Variants in LMAN2 observed in about 807,000 individuals in gnomAD.
LMAN2 encodes lectin, mannose binding 2.
A neutral mutation model predicts 39.3 loss-of-function variants in LMAN2; 22 were observed. That is an observed-to-expected ratio of 0.56 (90% CI 0.40 to 0.80). The LOEUF is 0.80. LMAN2 is among the 30% of genes least tolerant of loss of function. LMAN2 has a pLI of 0.00. For missense variants in LMAN2, 494 were observed against 505.4 expected (o/e 0.98, Z 0.22); for synonymous variants, 207 against 207.8 (o/e 1.00, Z 0.03).
At chr5:177,335,432 T>A (rs1416663759) in intron 6 of LMAN2, among the ~76,000 whole-genome samples, 1 of 152,224 alleles carries the variant, frequency 6.6e-6, no homozygotes, top group Non-Finnish European at 1.5e-5. Flanking sequence ...TGATGACCCC[T>A]GACCAGTGGT....
Position 177,332,149 on chromosome 5 carries a change from G to A in LMAN2, c.1008C>T (p.Val336=). The change falls in exon 8 of 8, where the codon GTC becomes GTT. Residue 336 remains valine (V), a synonymous_variant. Transcript: ENST00000303127. The surrounding 1 kb of genome is among the most constrained non-coding windows in gnomAD (Gnocchi z 6.3). ...LLLCALLGIV[V]CAVVGAVVFQ... is the part of the protein sequence containing the mutation. Reference sequence around the variant, plus strand: ...ACACCACGGCCCCCACCACGGCGCAGACAACGATGCCCAGGAGAGCGCACA... The same window carrying A: ...ACACCACGGCCCCCACCACGGCGCAAACAACGATGCCCAGGAGAGCGCACA... The A allele has an allele frequency of 6.2e-7, 1 of 1,613,676 alleles. No homozygotes were observed. Among genetic ancestry groups the A allele is most frequent in the Non-Finnish European group, 8.5e-7 (1 of 1,179,960 alleles).
Position 177,338,540 on chromosome 5 carries a change from GTTC to G in LMAN2, c.378_380del (p.Lys126del), listed in dbSNP as rs756317309. ...ACAAGGCGATGCCGTCTCCATGGAG[GTTC>G]TTCTTCCCTGTGCCGTGGACTTTGA... On this transcript the variant is annotated inframe_deletion, in exon 3 of 8. Coordinates refer to ENST00000303127, the MANE Select transcript of LMAN2 (RefSeq NM_006816.3). 1 of 1,614,250 alleles carries G rather than the reference GTTC, an allele frequency of 6.2e-7. No individual in the cohort carries two copies. Among genetic ancestry groups the G allele is most frequent in the South Asian group, 1.1e-5 (1 of 91,090 alleles).
intron 3 of LMAN2, 46 bp downstream of exon 3, chr5:177,338,442 C>A (rs769633514): frequency 7.3e-6 from 11 of 1,515,438 alleles, no homozygotes; most frequent in Admixed American, 1.7e-5. Context: ...AGCAGCCATG[C>A]CCGTGCCCAC....
chr5:177,351,560 T>G lies in LMAN2; in HGVS notation c.88A>C (p.Thr30Pro). The change falls in exon 1 of 8, where the codon ACT (threonine) becomes CCT (proline). Residue 30 changes from threonine (T) to proline (P), a missense_variant. Physicochemically the swap from Thr to Pro is conservative, Grantham distance 38. Transcript: ENST00000303127. ...AACAAAAGAAGAAAGAGAGGTGTAG[T>G]GGGGCCAGGGCCGGGGCCGAGAAGC... ...PGLLGPGPGPTTPLFLLLLLG... is the reference protein window; with the variant it reads ...PGLLGPGPGPPTPLFLLLLLG... 6.2e-7 allele frequency: 1 copy of G among 1,614,192 alleles called. No individual in the cohort carries two copies. Among genetic ancestry groups the G allele is most frequent in the Non-Finnish European group, 8.5e-7 (1 of 1,180,020 alleles).
intron 2 of LMAN2, among the ~76,000 whole-genome samples, chr5:177,347,778 T>C (rs1483571408): frequency 1.3e-5 from 2 of 152,124 alleles, no homozygotes; most frequent in African/African-American, 4.8e-5. Flanking sequence ...ACGTTGGGTT[T>C]ATAAACCAAA....
chr5:177,344,354 A>G (rs1016967009), intron 2 of LMAN2, among the ~76,000 whole-genome samples: 1 of 129,052 alleles, frequency 7.7e-6, no homozygotes, highest in African/African-American at 3.0e-5. Context: ...GCGTGATCTC[A>G]GCTCACTGCA....
intron 2 of LMAN2, among the ~76,000 whole-genome samples, chr5:177,345,156 A>C (rs533109907): frequency 6.7e-6 from 1 of 149,104 alleles, no homozygotes; most frequent in Non-Finnish European, 1.5e-5. Context: ...CCTAGTCAAC[A>C]TGGTGAAACC....
intron 2 of LMAN2, among the ~76,000 whole-genome samples, chr5:177,346,733 CT>C (rs1761643260): frequency 6.6e-6 from 1 of 151,568 alleles, no homozygotes; most frequent in South Asian, 2.1e-4. Context: ...AACTCCTTGA[CT>C]CAAGCAATCC....
chr5:177,339,213 G>T (rs528412210), intron 2 of LMAN2, among the ~76,000 whole-genome samples: 1 of 152,182 alleles, frequency 6.6e-6, no homozygotes, highest in South Asian at 2.1e-4. Flanking sequence ...CACATAAATT[G>T]CACCAGCCCC....
intron 2 of LMAN2, among the ~76,000 whole-genome samples, chr5:177,343,686 G>A (rs76734584): frequency 0.029 from 4,184 of 145,664 alleles, 186 homozygotes; most frequent in African/African-American, 0.1. Context: ...ATAAGTCAAA[G>A]AAGACAAATA....
chr5:177,351,049 G>A (rs1380311852), intron 2 of LMAN2, 124 bp downstream of exon 2: 5 of 815,268 alleles, frequency 6.1e-6, no homozygotes, highest in Non-Finnish European at 1.1e-5. Flanking sequence ...GGGTGTGACC[G>A]AGATGAGGAA....
chr5:177,338,349 G>T, intron 3 of LMAN2, 139 bp downstream of exon 3: 1 of 673,688 alleles, frequency 1.5e-6, no homozygotes, highest in Non-Finnish European at 2.6e-6. Context: ...CTTTATCCAC[G>T]GGAGGCAGCA....
In LMAN2 at chr5:177,332,977, G is replaced by A. The variant is rs146774241; in HGVS notation, c.911-731C>T. On this transcript the variant is annotated intron_variant, in intron 7 of 7. Coordinates refer to ENST00000303127, the MANE Select transcript of LMAN2 (RefSeq NM_006816.3). The surrounding 1 kb of genome is among the most constrained non-coding windows in gnomAD (Gnocchi z 6.3). ...TCAGGCGTCCCCACACCCAGGCCTCGGGCCCAGGCCCTGCCTTTCAGCGAC... is the reference window on the plus strand; with the variant it reads ...TCAGGCGTCCCCACACCCAGGCCTCAGGCCCAGGCCCTGCCTTTCAGCGAC... 9.8e-4 allele frequency among the ~76,000 whole-genome samples: 149 copies of A among 152,232 alleles called. No homozygotes were observed. Among genetic ancestry groups the A allele is most frequent in the African/African-American group, 3.3e-3 (138 of 41,528 alleles).
chr5:177,340,147 CA>C (rs1045227591), intron 2 of LMAN2, among the ~76,000 whole-genome samples: 12 of 152,028 alleles, frequency 7.9e-5, no homozygotes, highest in Admixed American at 7.9e-4. Context: ...TCCTACAAAC[CA>C]AAGGAGATGA....
In LMAN2 at chr5:177,337,584, C is replaced by A. The variant is rs148795265; in HGVS notation, c.514-60G>T. On this transcript the variant is annotated intron_variant, in intron 4 of 7. Coordinates refer to ENST00000303127, the MANE Select transcript of LMAN2 (RefSeq NM_006816.3). The surrounding 1 kb of genome is among the most constrained non-coding windows in gnomAD (Gnocchi z 8.2). The stretch of plus-strand genomic sequence containing the variant: ...CCAGCCTGTGGGGCGAGCAGGGGCA[C>A]CCACCACCCCAATCCCTGGAGGCTC... The A allele has an allele frequency of 2.4e-4, 382 of 1,607,404 alleles. 1 individual carries two copies. The East Asian group carries it at 8.3e-3, about 35-fold the overall frequency.
intron 6 of LMAN2, among the ~76,000 whole-genome samples, chr5:177,335,514 C>T (rs1761456994): frequency 6.6e-6 from 1 of 152,204 alleles, no homozygotes; most frequent in African/African-American, 2.4e-5. Flanking sequence ...AGAGCTGCCA[C>T]CGGCCACAGC....
At chr5:177,336,811 G>A (rs1761479688) in intron 6 of LMAN2, 5 of 430,048 alleles carry the variant, frequency 1.2e-5, no homozygotes, top group Non-Finnish European at 1.7e-5. Flanking sequence ...GGTTGCCAAG[G>A]GACCGTTCAA....
chr5:177,341,184 A>G lies in LMAN2; in HGVS notation c.316-2579T>C, dbSNP rs184060052. Among the ~76,000 whole-genome samples the G allele has an allele frequency of 2.0e-3, 301 of 150,308 alleles. 3 individuals carry two copies. Among genetic ancestry groups the G allele is most frequent in the African/African-American group, 6.8e-3 (277 of 40,762 alleles). On this transcript the variant is annotated intron_variant, in intron 2 of 7. Transcript: ENST00000303127. ...TGGGTTCAAGCGATTCTCCTGCCTC[A>G]GCCTCCTGAGGAGCTGGGATTACAG...
intron 1 of LMAN2, 68 bp from the exon 2 acceptor site, chr5:177,351,359 G>C: frequency 6.2e-7 from 1 of 1,607,286 alleles, no homozygotes. Flanking sequence ...GAAACCCACA[G>C]AGATGCTCTG....
Sources: allele counts gnomAD v4.1 joint callset (sites outside exome capture counted in the v4.1 genomes callset), GRCh38; gene constraint gnomAD v4.1.1; non-coding constraint Gnocchi (gnomAD v3.1); transcripts MANE v1.5; gene names NCBI Gene and HGNC (gene_info 2026-07-23, HGNC 2026-07-21).